TCF7L1: variants seen among roughly 807,000 people sequenced by gnomAD.
TCF7L1 encodes transcription factor 7-like 1.
TCF7L1 carries 18 observed loss-of-function variants against 63.7 expected under a neutral mutation model. The ratio of observed to expected loss-of-function variants is 0.28; its 90% CI spans 0.20 to 0.42. The LOEUF (loss-of-function observed/expected upper bound fraction) is 0.42. Among genes scored for constraint, TCF7L1 ranks in the 10% least tolerant of loss-of-function variants. The pLI, the probability that TCF7L1 is intolerant of heterozygous loss-of-function variation, is 1.00. For missense variants in TCF7L1, 654 were observed against 779.3 expected (o/e 0.84, Z 1.91); for synonymous variants, 355 against 340.9 (o/e 1.04, Z -0.46).
At position 85,134,017 on chromosome 2, in the gene TCF7L1, C is replaced by T; in HGVS notation, c.251C>T (p.Ala84Val). The T allele has an allele frequency of 1.2e-6, 2 of 1,609,614 alleles. No homozygotes were observed. Among genetic ancestry groups the T allele is most frequent in the Admixed American group, 1.7e-5 (1 of 59,758 alleles). Reference protein sequence around the residue: ...ENQSSSSDSEAERRPQPVRDT... With the variant: ...ENQSSSSDSEVERRPQPVRDT... Reference sequence around the variant, plus strand: ...CTTGCCTTTGTGTCTCCTCCGCAGGCGGAGAGGCGCCCGCAGCCCGTCCGG... The same window carrying T: ...CTTGCCTTTGTGTCTCCTCCGCAGGTGGAGAGGCGCCCGCAGCCCGTCCGG... The change falls in exon 2 of 12, where the codon GCG becomes GTG. Residue 84 changes from alanine (A) to valine (V), a missense_variant and splice_region_variant. Physicochemically the swap from Ala to Val is moderately conservative, Grantham distance 64 (BLOSUM62 0). This residue lies in a region of TCF7L1 where 404 missense variants were observed against 454.8 expected (regional missense o/e 0.89). Transcript: ENST00000282111. The surrounding 1 kb of genome is among the most constrained non-coding windows in gnomAD (Gnocchi z 5.0).
intron 3 of TCF7L1, among the ~76,000 whole-genome samples, chr2:85,135,479 G>T (rs1285179496): frequency 1.3e-5 from 2 of 152,176 alleles, no homozygotes; most frequent in Non-Finnish European, 2.9e-5. Flanking sequence ...CGGTGGGTAA[G>T]GGGGCAGGGA....
At chr2:85,299,864 C>T (rs1287747894) in intron 4 of TCF7L1, among the ~76,000 whole-genome samples, 1 of 118,840 alleles carries the variant, frequency 8.4e-6, no homozygotes, top group Non-Finnish European at 1.8e-5. Context: ...GTCTCAAACA[C>T]ACACACACAC....
At chr2:85,282,565 C>T (rs530517521) in intron 3 of TCF7L1, among the ~76,000 whole-genome samples, 14 of 152,256 alleles carry the variant, frequency 9.2e-5, no homozygotes, top group Non-Finnish European at 1.5e-4. Flanking sequence ...CAACCTGTAC[C>T]GTGAGTGATA....
intron 3 of TCF7L1, among the ~76,000 whole-genome samples, chr2:85,279,976 A>G (rs1681372425): frequency 6.6e-6 from 1 of 152,260 alleles, no homozygotes; most frequent in Non-Finnish European, 1.5e-5. Context: ...GTACATGGTC[A>G]GACACCCAAA....
intron 3 of TCF7L1, among the ~76,000 whole-genome samples, chr2:85,146,799 TG>T (rs1397848610): frequency 6.6e-6 from 1 of 152,124 alleles, no homozygotes; most frequent in African/African-American, 2.4e-5. Context: ...CCACTGTGCC[TG>T]GCTTCAGTGG....
intron 3 of TCF7L1, among the ~76,000 whole-genome samples, chr2:85,142,497 T>TAC (rs1321375839): frequency 2.4e-4 from 35 of 147,750 alleles, no homozygotes; most frequent in East Asian, 7.9e-4. Flanking sequence ...TATATATATA[T>TAC]ACACACACAC....
At chr2:85,181,571 A>G (rs1198499386) in intron 3 of TCF7L1, among the ~76,000 whole-genome samples, 1 of 152,170 alleles carries the variant, frequency 6.6e-6, no homozygotes, top group African/African-American at 2.4e-5. Flanking sequence ...CCCAGAGCCC[A>G]GGGGAAGCAT....
intron 3 of TCF7L1, among the ~76,000 whole-genome samples, chr2:85,252,538 G>A (rs1283187181): frequency 6.6e-6 from 1 of 152,192 alleles, no homozygotes; most frequent in Non-Finnish European, 1.5e-5. Flanking sequence ...TGGGAGTTTG[G>A]GGAGCCTCTG....
At chr2:85,230,153 T>C (rs1303632356) in intron 3 of TCF7L1, among the ~76,000 whole-genome samples, 1 of 152,222 alleles carries the variant, frequency 6.6e-6, no homozygotes, top group Non-Finnish European at 1.5e-5. Flanking sequence ...TCATACTTTA[T>C]CCTAAGCACT....
intron 3 of TCF7L1, among the ~76,000 whole-genome samples, chr2:85,253,811 T>G (rs1488976586): frequency 6.6e-6 from 1 of 152,246 alleles, no homozygotes; most frequent in Non-Finnish European, 1.5e-5. Context: ...TGGATTATAC[T>G]AATACCTTTT....
chr2:85,139,171 G>A (rs953231904), intron 3 of TCF7L1, among the ~76,000 whole-genome samples: 5 of 152,080 alleles, frequency 3.3e-5, no homozygotes, highest in Admixed American at 2.6e-4. Flanking sequence ...ACCACGCCCA[G>A]CCAATTTTTG....
chr2:85,240,119 CGT>C (rs1173975499), intron 3 of TCF7L1, among the ~76,000 whole-genome samples: 1 of 152,166 alleles, frequency 6.6e-6, no homozygotes, highest in Non-Finnish European at 1.5e-5. Flanking sequence ...CTGAGTGTTC[CGT>C]GTGTGTTTCC....
chr2:85,239,005 A>G (rs186347278), intron 3 of TCF7L1, among the ~76,000 whole-genome samples: 38 of 152,120 alleles, frequency 2.5e-4, no homozygotes, highest in African/African-American at 8.9e-4. Flanking sequence ...TATTTTTAGT[A>G]GAGATGGAGT....
intron 3 of TCF7L1, among the ~76,000 whole-genome samples, chr2:85,215,774 G>A (rs576419571): frequency 2.2e-5 from 3 of 134,554 alleles, no homozygotes; most frequent in East Asian, 2.7e-4. Context: ...GGGTGGGGGG[G>A]GGTGAGGGGG....
At chr2:85,300,048 T>C (rs966260735) in intron 4 of TCF7L1, among the ~76,000 whole-genome samples, 2 of 152,202 alleles carry the variant, frequency 1.3e-5, no homozygotes, top group Non-Finnish European at 2.9e-5. Context: ...TTTGTGTTAT[T>C]CATAGTATAT....
intron 4 of TCF7L1, among the ~76,000 whole-genome samples, chr2:85,295,759 A>G (rs979573598): frequency 6.6e-6 from 1 of 151,276 alleles, no homozygotes; most frequent in Non-Finnish European, 1.5e-5. Flanking sequence ...CCTCAAAATG[A>G]AGAAAGTAAC....
chr2:85,258,499 C>T (rs765513200), intron 3 of TCF7L1, among the ~76,000 whole-genome samples: 13 of 152,150 alleles, frequency 8.5e-5, no homozygotes, highest in Admixed American at 2.0e-4. Context: ...GTCCCAAGAC[C>T]TCATAGGACA....
At chr2:85,241,992 C>CT (rs1368699727) in intron 3 of TCF7L1, among the ~76,000 whole-genome samples, 39 of 120,654 alleles carry the variant, frequency 3.2e-4, no homozygotes, top group African/African-American at 1.0e-3. Context: ...TGCTTGCTTG[C>CT]TTTTTTTTTG....
chr2:85,259,341 C>T (rs1401100721), intron 3 of TCF7L1, among the ~76,000 whole-genome samples: 3 of 152,204 alleles, frequency 2.0e-5, no homozygotes, highest in Admixed American at 6.5e-5. Context: ...ATAAACCCAA[C>T]CTTCATTTGT....
Sources: allele counts gnomAD v4.1 joint callset (sites outside exome capture counted in the v4.1 genomes callset), GRCh38; gene constraint gnomAD v4.1.1; regional missense constraint gnomAD v4.1.1; non-coding constraint Gnocchi (gnomAD v3.1); transcripts MANE v1.5; gene names NCBI Gene and HGNC (gene_info 2026-07-23, HGNC 2026-07-21).